DYM: variants seen among roughly 807,000 people sequenced by gnomAD.
DYM encodes the protein dyggve-Melchior-Clausen syndrome protein.
Under a neutral mutation model 93.1 loss-of-function variants are expected in DYM, and 78 were observed. The ratio of observed to expected loss-of-function variants is 0.84; its 90% CI spans 0.70 to 1.01. DYM has a LOEUF of 1.01. Ranked by LOEUF, DYM falls within the 50% of genes least tolerant of loss-of-function variation. DYM has a pLI of 0.00. For synonymous variants in DYM, 321 were observed against 319.7 expected (o/e 1.00, Z -0.04); for missense variants, 789 against 845.0 (o/e 0.93, Z 0.82).
chr18:49,433,148 G>A (rs2080491561), intron 1 of DYM, among the ~76,000 whole-genome samples: 1 of 152,160 alleles, frequency 6.6e-6, no homozygotes, highest in South Asian at 2.1e-4. Flanking sequence ...TGGGACAAGA[G>A]TCAAAACAGC....
chr18:49,242,155 T>C (rs2094027913), intron 13 of DYM, among the ~76,000 whole-genome samples: 1 of 152,184 alleles, frequency 6.6e-6, no homozygotes, highest in South Asian at 2.1e-4. Context: ...CTCACGGGTG[T>C]AATCCCAGCA....
intron 6 of DYM, among the ~76,000 whole-genome samples, chr18:49,359,597 A>G (rs1284494510): frequency 2.0e-5 from 3 of 152,230 alleles, no homozygotes; most frequent in African/African-American, 7.2e-5. Flanking sequence ...ACAGATCTCT[A>G]AATAAATATA....
At chr18:49,243,390 C>A (rs778740299) in intron 13 of DYM, among the ~76,000 whole-genome samples, 3 of 152,012 alleles carry the variant, frequency 2.0e-5, no homozygotes, top group Non-Finnish European at 2.9e-5. Flanking sequence ...TAGGGCTGGG[C>A]GTGGTGGCTC....
intron 2 of DYM, among the ~76,000 whole-genome samples, chr18:49,416,225 TC>T (rs2072970376): frequency 6.6e-6 from 1 of 152,084 alleles, no homozygotes; most frequent in Admixed American, 6.6e-5. Flanking sequence ...TGTTTCATCA[TC>T]CCTATGAATC....
chr18:49,063,324 T>TA (rs1161284675), intron 17 of DYM, among the ~76,000 whole-genome samples: 1 of 147,052 alleles, frequency 6.8e-6, no homozygotes, highest in African/African-American at 2.6e-5. Context: ...TTTTTTTTTT[T>TA]AAATCCATGC....
At chr18:49,163,368 CAG>C (rs2087432618) in intron 15 of DYM, among the ~76,000 whole-genome samples, 1 of 151,920 alleles carries the variant, frequency 6.6e-6, no homozygotes, top group Non-Finnish European at 1.5e-5. Context: ...TTTTGAGATG[CAG>C]AGTCTTACTG....
intron 10 of DYM, among the ~76,000 whole-genome samples, chr18:49,277,835 C>T (rs1260609744): frequency 6.6e-6 from 1 of 152,226 alleles, no homozygotes; most frequent in Admixed American, 6.5e-5. Context: ...AAATTCTGAA[C>T]TGACTAAGCC....
chr18:49,373,479 A>G (rs112672899), intron 5 of DYM, among the ~76,000 whole-genome samples: 13,856 of 152,116 alleles, frequency 0.091, 844 homozygotes, highest in East Asian at 0.31. Flanking sequence ...GTGTAGCAGT[A>G]AGGATGACCA....
At chr18:49,082,746 TTTAC>T (rs774536847) in intron 17 of DYM, among the ~76,000 whole-genome samples, 11 of 152,186 alleles carry the variant, frequency 7.2e-5, no homozygotes, top group Non-Finnish European at 1.5e-4. Context: ...TACAGACAGT[TTTAC>T]TTATTCATTT....
intron 14 of DYM, among the ~76,000 whole-genome samples, chr18:49,196,607 A>C (rs1172387636): frequency 1.3e-5 from 2 of 152,188 alleles, no homozygotes; most frequent in Non-Finnish European, 2.9e-5. Flanking sequence ...TTGTCTGAGG[A>C]AGTGAAAAAT....
intron 2 of DYM, among the ~76,000 whole-genome samples, chr18:49,392,684 A>T (rs1368940478): frequency 5.6e-5 from 4 of 71,294 alleles, no homozygotes; most frequent in African/African-American, 8.4e-5. Context: ...TTTTATTTAA[A>T]AAAAAAAAAA....
intron 14 of DYM, among the ~76,000 whole-genome samples, chr18:49,194,604 T>C (rs1187320165): frequency 5.3e-5 from 8 of 152,188 alleles, no homozygotes; most frequent in Non-Finnish European, 1.2e-4. Context: ...ATTTCTTCCA[T>C]TTTTGAATGA....
At chr18:49,139,466 C>G (rs888164390) in intron 15 of DYM, among the ~76,000 whole-genome samples, 1 of 152,076 alleles carries the variant, frequency 6.6e-6, no homozygotes, top group Non-Finnish European at 1.5e-5. Flanking sequence ...TACTGATATG[C>G]TAAACTGTGA....
At chr18:49,125,375 G>C (rs1308853010) in intron 15 of DYM, among the ~76,000 whole-genome samples, 1 of 152,186 alleles carries the variant, frequency 6.6e-6, no homozygotes, top group Non-Finnish European at 1.5e-5. Flanking sequence ...TTAACAACTA[G>C]TTGGCACTGC....
At chr18:49,433,128 T>A (rs1046495984) in intron 1 of DYM, among the ~76,000 whole-genome samples, 2 of 152,244 alleles carry the variant, frequency 1.3e-5, no homozygotes, top group Non-Finnish European at 2.9e-5. Flanking sequence ...ATCACAGCCA[T>A]GGAGCAGGCT....
chr18:49,204,983 CAG>C (rs778098272), intron 14 of DYM, among the ~76,000 whole-genome samples: 12 of 152,160 alleles, frequency 7.9e-5, no homozygotes, highest in Non-Finnish European at 1.6e-4. Flanking sequence ...TTTCTTGAGA[CAG>C]AGTCTCACTC....
At chr18:49,453,475 C>T (rs2082707698) in intron 1 of DYM, among the ~76,000 whole-genome samples, 2 of 152,160 alleles carry the variant, frequency 1.3e-5, no homozygotes, top group Non-Finnish European at 2.9e-5. Flanking sequence ...ACTCCTGAAG[C>T]CAGCGAGAGC....
chr18:49,255,205 A>C (rs895547564), intron 13 of DYM, among the ~76,000 whole-genome samples: 1 of 152,338 alleles, frequency 6.6e-6, no homozygotes, highest in African/African-American at 2.4e-5. Context: ...CAGCATTTAA[A>C]AGTGATACGG....
At chr18:49,312,094 T>C (rs550793873) in intron 8 of DYM, among the ~76,000 whole-genome samples, 3 of 152,300 alleles carry the variant, frequency 2.0e-5, no homozygotes, top group African/African-American at 7.2e-5. Context: ...CACTATTGCT[T>C]ATGTTGATGC....
Sources: gnomAD v4.1 joint callset for allele counts (sites outside exome capture counted in the v4.1 genomes callset) on GRCh38, gnomAD v4.1.1 for gene constraint, MANE v1.5 for transcripts, NCBI Gene and HGNC (gene_info 2026-07-23, HGNC 2026-07-21) for gene names.